OOSP1: variants seen among roughly 807,000 people sequenced by gnomAD.
OOSP1 encodes putative oocyte-secreted protein 1 homolog.
In OOSP1, 11 loss-of-function variants were observed where a neutral mutation model predicts 5.7. The observed-to-expected ratio is 1.94, with a 90% confidence interval of 1.22 to 3.20. The LOEUF is 3.20. OOSP1 is among the 30% of genes most tolerant of loss of function. The probability of loss-of-function intolerance (pLI) is 0.00; values close to 1 mark genes in which losing one functional copy is unlikely to be tolerated. For synonymous variants in OOSP1, 44 were observed against 20.0 expected (o/e 2.20, Z -3.20); for missense variants, 83 against 54.1 (o/e 1.53, Z -1.67).
At chr11:59,955,257 T>G (rs1286703167) in intron 4 of OOSP1, among the ~76,000 whole-genome samples, 2 of 152,170 alleles carry the variant, frequency 1.3e-5, no homozygotes, top group Non-Finnish European at 2.9e-5. Context: ...AACTATCTTT[T>G]TAAATCCTTT....
chr11:59,939,523 A>G (rs1853803227), intron 1 of OOSP1, among the ~76,000 whole-genome samples: 1 of 152,088 alleles, frequency 6.6e-6, no homozygotes, highest in East Asian at 1.9e-4. Flanking sequence ...AAGTGCTGGT[A>G]TAACAGGTAT....
chr11:59,944,329 G>C (rs1215026945), intron 2 of OOSP1, among the ~76,000 whole-genome samples: 2 of 133,598 alleles, frequency 1.5e-5, no homozygotes, highest in Non-Finnish European at 3.2e-5. Context: ...CAGGTATTAG[G>C]GGGGCACTAT....
intron 2 of OOSP1, among the ~76,000 whole-genome samples, chr11:59,944,358 C>CGG (rs11479035): frequency 1.8e-5 from 2 of 111,702 alleles, no homozygotes; most frequent in African/African-American, 3.3e-5. Context: ...ATATAAACTG[C>CGG]GGGGGGGGGG....
At chr11:59,939,058 C>T (rs532375112) in intron 1 of OOSP1, among the ~76,000 whole-genome samples, 14 of 152,240 alleles carry the variant, frequency 9.2e-5, no homozygotes, top group African/African-American at 1.2e-4. Flanking sequence ...ACCTCCTGTT[C>T]GGAGCAAACC....
intron 1 of OOSP1, among the ~76,000 whole-genome samples, chr11:59,939,534 G>C (rs1281612166): frequency 1.3e-5 from 2 of 152,032 alleles, no homozygotes; most frequent in Non-Finnish European, 2.9e-5. Flanking sequence ...TAACAGGTAT[G>C]AGCCACTGTG....
At chr11:59,941,629 C>T (rs1172911117) in intron 1 of OOSP1, among the ~76,000 whole-genome samples, 1 of 152,130 alleles carries the variant, frequency 6.6e-6, no homozygotes, top group Non-Finnish European at 1.5e-5. Flanking sequence ...CCACCCGGCT[C>T]GCCCTCCTAA....
At chr11:59,945,298 C>A in intron 3 of OOSP1, 32 bp downstream of exon 3, 2 of 702,896 alleles carry the variant, frequency 2.8e-6, no homozygotes, top group Non-Finnish European at 5.2e-6. Flanking sequence ...CCTGTCCTAG[C>A]CCCTGGCTTC....
intron 4 of OOSP1, among the ~76,000 whole-genome samples, chr11:59,954,537 C>G (rs1435154948): frequency 6.6e-6 from 1 of 151,996 alleles, no homozygotes; most frequent in East Asian, 1.9e-4. Context: ...CTATTTACAG[C>G]AAAATCACTC....
intron 4 of OOSP1, among the ~76,000 whole-genome samples, chr11:59,951,815 A>G (rs1199913795): frequency 1.0e-5 from 1 of 97,898 alleles, no homozygotes; most frequent in Non-Finnish European, 1.9e-5. Context: ...GACAACCACT[A>G]TTTGGACAAG....
intron 4 of OOSP1, 32 bp from the exon 5 acceptor site, chr11:59,957,163 G>T: frequency 2.5e-6 from 1 of 397,214 alleles, no homozygotes; most frequent in South Asian, 1.3e-4. Context: ...TGTAATTGAT[G>T]AATCTACTTA....
At chr11:59,953,918 G>A (rs1853964810) in intron 4 of OOSP1, among the ~76,000 whole-genome samples, 6 of 152,176 alleles carry the variant, frequency 3.9e-5, no homozygotes, top group Admixed American at 2.6e-4. Context: ...CTTACTAATC[G>A]GAATATGTTC....
intron 4 of OOSP1, among the ~76,000 whole-genome samples, chr11:59,952,051 G>C (rs1030313475): frequency 1.3e-5 from 2 of 151,920 alleles, no homozygotes; most frequent in African/African-American, 4.8e-5. Context: ...GGAATCAATG[G>C]TATAACATGA....
intron 4 of OOSP1, among the ~76,000 whole-genome samples, chr11:59,953,063 T>C (rs1853956715): frequency 6.6e-6 from 1 of 152,186 alleles, no homozygotes; most frequent in Admixed American, 6.6e-5. Flanking sequence ...TACATTTTTC[T>C]GTTTTCATGC....
intron 4 of OOSP1, among the ~76,000 whole-genome samples, chr11:59,956,122 T>C (rs1006413941): frequency 1.3e-5 from 2 of 152,032 alleles, no homozygotes; most frequent in Admixed American, 6.6e-5. Context: ...CAATTGGATA[T>C]CCAAGAATGC....
At chr11:59,952,424 C>T (rs1432777512) in intron 4 of OOSP1, among the ~76,000 whole-genome samples, 2 of 151,988 alleles carry the variant, frequency 1.3e-5, no homozygotes, top group Non-Finnish European at 2.9e-5. Flanking sequence ...AAATGTGGTC[C>T]ATATATATAC....
At chr11:59,945,738 G>T (rs554710778) in intron 3 of OOSP1, among the ~76,000 whole-genome samples, 4 of 110,026 alleles carry the variant, frequency 3.6e-5, no homozygotes, top group African/African-American at 1.1e-4. Context: ...GTGACAGAGC[G>T]AGACTCTGTC....
intron 1 of OOSP1, among the ~76,000 whole-genome samples, chr11:59,940,305 A>G (rs920253389): frequency 6.6e-6 from 1 of 152,200 alleles, no homozygotes; most frequent in Non-Finnish European, 1.5e-5. Context: ...ATTTGCTTAC[A>G]TTTTATTTTC....
intron 4 of OOSP1, among the ~76,000 whole-genome samples, chr11:59,953,687 G>A (rs1444559483): frequency 1.3e-5 from 2 of 152,158 alleles, no homozygotes; most frequent in African/African-American, 4.8e-5. Context: ...GGGTTGTTTG[G>A]GCAGCCCAGA....
intron 4 of OOSP1, among the ~76,000 whole-genome samples, chr11:59,953,431 A>G (rs1388698858): frequency 6.6e-6 from 1 of 152,150 alleles, no homozygotes; most frequent in Non-Finnish European, 1.5e-5. Flanking sequence ...GTTTCCTAAG[A>G]CAGAAATGTA....
Sources: gnomAD v4.1 joint callset for allele counts (sites outside exome capture counted in the v4.1 genomes callset) on GRCh38, gnomAD v4.1.1 for gene constraint, MANE v1.5 for transcripts, NCBI Gene and HGNC (gene_info 2026-07-23, HGNC 2026-07-21) for gene names.